Variants in TTLL7 observed in about 807,000 individuals in gnomAD.
TTLL7 encodes tubulin polyglutamylase TTLL7.
TTLL7 carries 53 observed loss-of-function variants against 120.2 expected under a neutral mutation model. That is an observed-to-expected ratio of 0.44 (90% CI 0.35 to 0.55). The LOEUF is 0.55. Among genes scored for constraint, TTLL7 ranks in the 20% least tolerant of loss-of-function variants. TTLL7 has a pLI of 0.00. For missense variants in TTLL7, 803 were observed against 1,054.7 expected (o/e 0.76, Z 3.31); for synonymous variants, 353 against 351.7 (o/e 1.00, Z -0.04).
At chr1:83,871,584 T>G (rs74094987) in intron 20 of TTLL7, among the ~76,000 whole-genome samples, 3,134 of 152,234 alleles carry the variant, frequency 0.021, 111 homozygotes, top group African/African-American at 0.07. Flanking sequence ...GTTTATTTTC[T>G]TCACTTGACA....
At chr1:83,972,208 T>C (rs1352415811) in intron 1 of TTLL7, among the ~76,000 whole-genome samples, 3 of 152,074 alleles carry the variant, frequency 2.0e-5, no homozygotes, top group Non-Finnish European at 4.4e-5. Flanking sequence ...ATCATTACAA[T>C]ATCCAAAAGA....
At chr1:83,944,576 C>T (rs1400723434) in intron 6 of TTLL7, among the ~76,000 whole-genome samples, 2 of 152,082 alleles carry the variant, frequency 1.3e-5, no homozygotes, top group African/African-American at 4.8e-5. Flanking sequence ...GGCATGGTGG[C>T]ATACGCCTGT....
intron 14 of TTLL7, among the ~76,000 whole-genome samples, chr1:83,914,565 C>T (rs541784564): frequency 8.6e-5 from 13 of 152,016 alleles, no homozygotes; most frequent in Non-Finnish European, 1.6e-4. Context: ...CTCTTGACCT[C>T]GTGATCCGCC....
At position 83,948,710 on chromosome 1, in the gene TTLL7, G is replaced by T. The variant is rs769151878; in HGVS notation, c.280-15C>A. 6.4e-7 allele frequency: 1 copy of T among 1,565,138 alleles called. No homozygotes were observed. Among genetic ancestry groups the T allele is most frequent in the Non-Finnish European group, 8.8e-7 (1 of 1,138,140 alleles). On this transcript the variant is annotated splice_polypyrimidine_tract_variant and intron_variant, in intron 4 of 20. Coordinates refer to ENST00000260505, the MANE Select transcript of TTLL7 (RefSeq NM_024686.6). ...TGGTTGATCCTCTGGAAAATAAAAA[G>T]GTAAATATTAATATTCTCAGCGAAT...
chr1:83,892,861 A>AGCGCATATGTGAAC (rs1655826246), intron 18 of TTLL7, among the ~76,000 whole-genome samples: 1 of 151,170 alleles, frequency 6.6e-6, no homozygotes, highest in South Asian at 2.1e-4. Flanking sequence ...TATATATATG[A>AGCGCATATGTGAAC]ATATATATAA....
chr1:83,955,818 C>G (rs1649460154), intron 1 of TTLL7, among the ~76,000 whole-genome samples: 1 of 152,016 alleles, frequency 6.6e-6, no homozygotes, highest in Non-Finnish European at 1.5e-5. Context: ...AGTTTGAGAC[C>G]AGCCTGAGCA....
intron 20 of TTLL7, among the ~76,000 whole-genome samples, chr1:83,879,182 A>G (rs1170352152): frequency 6.6e-6 from 1 of 152,126 alleles, no homozygotes; most frequent in South Asian, 2.1e-4. Context: ...GTAAAATGCT[A>G]AAGAGTCCGT....
At position 83,947,042 on chromosome 1, in the gene TTLL7, G is replaced by C. The variant is rs12121629; in HGVS notation, c.506+82C>G. On this transcript the variant is annotated intron_variant, in intron 6 of 20. Coordinates refer to ENST00000260505, the MANE Select transcript of TTLL7 (RefSeq NM_024686.6). ...GTTATTTTTTCATATTGGTACTCAC[G>C]CATGAGTAATTATGCACATTTATTC... is the stretch of plus-strand genomic sequence containing the variant. The C allele has an allele frequency of 0.033, 36,680 of 1,126,946 alleles. 717 individuals are homozygous for C. Among genetic ancestry groups the C allele is most frequent in the African/African-American group, 0.069 (4,232 of 61,214 alleles). 69.8% of individuals were successfully genotyped at this position (1,126,946 alleles called of 1,614,324 possible).
chr1:83,952,149 C>T, intron 2 of TTLL7, 38 bp downstream of exon 2: 1 of 1,591,028 alleles, frequency 6.3e-7, no homozygotes, highest in Non-Finnish European at 8.6e-7. Context: ...TGTATAACAC[C>T]TCCATATTTT....
At chr1:83,966,363 GTC>G (rs1426726834) in intron 1 of TTLL7, among the ~76,000 whole-genome samples, 1 of 150,708 alleles carries the variant, frequency 6.6e-6, no homozygotes, top group Non-Finnish European at 1.5e-5. Context: ...CCTTCCCTCT[GTC>G]TCTCTGTCTC....
intron 1 of TTLL7, among the ~76,000 whole-genome samples, chr1:83,983,488 G>A (rs1652165076): frequency 1.3e-5 from 2 of 152,086 alleles, no homozygotes; most frequent in African/African-American, 4.8e-5. Flanking sequence ...AGATTTAAAT[G>A]TAACCCCTCA....
chr1:83,955,506 C>T (rs774385270), intron 1 of TTLL7, among the ~76,000 whole-genome samples: 2 of 152,130 alleles, frequency 1.3e-5, no homozygotes, highest in Non-Finnish European at 2.9e-5. Context: ...ACCATGAGAA[C>T]ACAGCATCCA....
At chr1:83,934,728 A>C (rs549783330) in intron 8 of TTLL7, among the ~76,000 whole-genome samples, 96 of 152,338 alleles carry the variant, frequency 6.3e-4, no homozygotes, top group African/African-American at 2.2e-3. Context: ...AGAAAAAGAC[A>C]GTTAAGAACC....
intron 10 of TTLL7, among the ~76,000 whole-genome samples, chr1:83,928,268 G>C (rs1313719082): frequency 6.6e-6 from 1 of 152,106 alleles, no homozygotes; most frequent in African/African-American, 2.4e-5. Context: ...TTGCTTGGAA[G>C]CATACCATAA....
At chr1:83,958,793 A>T (rs947911806) in intron 1 of TTLL7, among the ~76,000 whole-genome samples, 1 of 152,156 alleles carries the variant, frequency 6.6e-6, no homozygotes, top group Non-Finnish European at 1.5e-5. Flanking sequence ...GTTCTACATT[A>T]GTGTTTCTTA....
intron 1 of TTLL7, among the ~76,000 whole-genome samples, chr1:83,968,050 G>A (rs891659472): frequency 3.3e-5 from 5 of 152,032 alleles, no homozygotes; most frequent in Non-Finnish European, 7.4e-5. Flanking sequence ...CATTGGTGCA[G>A]TAGTTCTACC....
chr1:83,954,550 G>A (rs1649339742), intron 1 of TTLL7, among the ~76,000 whole-genome samples: 1 of 152,148 alleles, frequency 6.6e-6, no homozygotes, highest in Non-Finnish European at 1.5e-5. Flanking sequence ...AATGCTTTAA[G>A]CCAATGGCTT....
rs138064011 is a variant in TTLL7 at position 83,896,143 on chromosome 1, G to A, written c.2209-5662C>T. On this transcript the variant is annotated intron_variant, in intron 18 of 20. Coordinates refer to ENST00000260505, the MANE Select transcript of TTLL7 (RefSeq NM_024686.6). ...AAATTGGATGGAAGATGAATAATTC[G>A]TGAAACACAAAAATAAATGATCAGC... Among the ~76,000 whole-genome samples, 14 of 152,112 alleles carry A rather than the reference G, an allele frequency of 9.2e-5. No homozygotes were observed. In the South Asian group the frequency reaches 2.3e-3, roughly 25 times the overall value.
chr1:83,940,901 T>G (rs1011208059), intron 7 of TTLL7, among the ~76,000 whole-genome samples: 1 of 152,148 alleles, frequency 6.6e-6, no homozygotes, highest in Non-Finnish European at 1.5e-5. Context: ...CCTTTTATCT[T>G]AAGTTAAATT....
Sources: allele counts gnomAD v4.1 joint callset (sites outside exome capture counted in the v4.1 genomes callset), GRCh38; gene constraint gnomAD v4.1.1; transcripts MANE v1.5; gene names NCBI Gene and HGNC (gene_info 2026-07-23, HGNC 2026-07-21).